EPHA3: variants seen among roughly 807,000 people sequenced by gnomAD.
The protein encoded by EPHA3 is EPH receptor A3.
EPHA3 carries 42 observed loss-of-function variants against 107.1 expected under a neutral mutation model. That is an observed-to-expected ratio of 0.39 (90% CI 0.31 to 0.51). EPHA3 has a LOEUF of 0.51. Among genes scored for constraint, EPHA3 ranks in the 20% least tolerant of loss-of-function variants. EPHA3 has a pLI of 0.78. For synonymous variants in EPHA3, 461 were observed against 424.8 expected, an observed-to-expected ratio of 1.09 and a Z score of -1.05; for missense variants, 1,183 against 1,211.2, an observed-to-expected ratio of 0.98 and a Z score of 0.35.
chr3:89,112,814 C>T (rs1707145342), intron 1 of EPHA3, among the ~76,000 whole-genome samples: 1 of 151,668 alleles, frequency 6.6e-6, no homozygotes, highest in African/African-American at 2.4e-5. Context: ...TTCAATGATT[C>T]GGTTTGGCAT....
intron 5 of EPHA3, among the ~76,000 whole-genome samples, chr3:89,345,340 C>A (rs1707619181): frequency 1.3e-5 from 2 of 151,166 alleles, no homozygotes; most frequent in Admixed American, 6.6e-5. Context: ...TTGACATTTC[C>A]TCCCTTTACC....
chr3:89,352,014 A>T (rs1707835479), intron 5 of EPHA3, among the ~76,000 whole-genome samples: 1 of 151,080 alleles, frequency 6.6e-6, no homozygotes, highest in Admixed American at 6.6e-5. Context: ...GGAATTTCAG[A>T]GTTGCCATTC....
At chr3:89,256,083 C>G (rs1262388115) in intron 3 of EPHA3, among the ~76,000 whole-genome samples, 1 of 151,738 alleles carries the variant, frequency 6.6e-6, no homozygotes. Context: ...AACCACTTCT[C>G]TATTTAAAAA....
At chr3:89,190,678 T>A (rs115372980) in intron 2 of EPHA3, among the ~76,000 whole-genome samples, 2,075 of 152,274 alleles carry the variant, frequency 0.014, 55 homozygotes, top group African/African-American at 0.048. Context: ...CAAAATAATA[T>A]ATTCTGTGAA....
intron 2 of EPHA3, among the ~76,000 whole-genome samples, chr3:89,163,267 C>T (rs141884471): frequency 6.6e-6 from 1 of 152,128 alleles, no homozygotes; most frequent in African/African-American, 2.4e-5. Context: ...GCGCCTAGTA[C>T]ATAGTGAGCA....
In EPHA3 at chr3:89,295,384, C is replaced by A. The variant is rs78238232; in HGVS notation, c.815-45532C>A. On this transcript the variant is annotated intron_variant, in intron 3 of 16. Transcript: ENST00000336596. ...CAGGATGGTGGTTGCTGAAGGGTGG[C>A]ACCCTTCAGCTGTGGCAATTTCTCA... Among the ~76,000 whole-genome samples, 3 of 39,360 alleles carry A rather than the reference C, an allele frequency of 7.6e-5. No individual in the cohort carries two copies. The African/African-American group carries it at 7.6e-4, about 10-fold the overall frequency. 25.8% of individuals were successfully genotyped at this position (39,360 alleles called of 152,430 possible).
intron 2 of EPHA3, among the ~76,000 whole-genome samples, chr3:89,170,108 G>A (rs1388015505): frequency 6.6e-6 from 1 of 151,990 alleles, no homozygotes; most frequent in Non-Finnish European, 1.5e-5. Flanking sequence ...AAAATTAGCC[G>A]GGCGTGGTGG....
At chr3:89,355,344 T>C (rs1707922534) in intron 5 of EPHA3, among the ~76,000 whole-genome samples, 1 of 151,366 alleles carries the variant, frequency 6.6e-6, no homozygotes, top group Middle Eastern at 3.4e-3. Flanking sequence ...TTTCCAATTA[T>C]ATATTCTAGG....
intron 5 of EPHA3, among the ~76,000 whole-genome samples, chr3:89,347,453 C>T (rs1426946533): frequency 2.7e-5 from 4 of 149,540 alleles, no homozygotes; most frequent in Non-Finnish European, 4.5e-5. Context: ...GTGATTTTTG[C>T]ACATTGATTT....
chr3:89,360,243 T>C (rs1233115791), intron 5 of EPHA3, among the ~76,000 whole-genome samples: 1 of 150,876 alleles, frequency 6.6e-6, no homozygotes, highest in African/African-American at 2.4e-5. Context: ...CTCTGAAATG[T>C]GAAAACAGTT....
chr3:89,458,033 C>T (rs139914010), intron 15 of EPHA3, among the ~76,000 whole-genome samples: 2 of 152,014 alleles, frequency 1.3e-5, no homozygotes, highest in Admixed American at 6.6e-5. Context: ...AACAGGTCTG[C>T]CATGCAGATA....
At chr3:89,340,768 G>A (rs755593792) in intron 3 of EPHA3, 148 bp from the exon 4 acceptor site, 29 of 695,400 alleles carry the variant, frequency 4.2e-5, no homozygotes, top group Non-Finnish European at 6.0e-5. Context: ...AACTACAGTA[G>A]GCTCTGTCAT....
intron 2 of EPHA3, among the ~76,000 whole-genome samples, chr3:89,173,657 C>T (rs1314253239): frequency 1.3e-5 from 2 of 151,908 alleles, no homozygotes; most frequent in East Asian, 3.9e-4. Context: ...GTATTCAAAA[C>T]CTGATGATGA....
chr3:89,172,719 A>G (rs750183721), intron 2 of EPHA3, among the ~76,000 whole-genome samples: 2 of 152,190 alleles, frequency 1.3e-5, no homozygotes, highest in Non-Finnish European at 2.9e-5. Flanking sequence ...AAAATGTGTG[A>G]TCATTAATAC....
At chr3:89,359,798 TAC>T (rs1420708826) in intron 5 of EPHA3, among the ~76,000 whole-genome samples, 2 of 144,974 alleles carry the variant, frequency 1.4e-5, no homozygotes, top group East Asian at 3.9e-4. Context: ...TATACATATA[TAC>T]ACATATATAT....
At chr3:89,447,943 G>C (rs1709909047) in intron 13 of EPHA3, among the ~76,000 whole-genome samples, 1 of 152,118 alleles carries the variant, frequency 6.6e-6, no homozygotes, top group African/African-American at 2.4e-5. Context: ...ATAGAAATCG[G>C]TCACATTTTG....
intron 15 of EPHA3, among the ~76,000 whole-genome samples, chr3:89,459,370 A>G (rs1470612608): frequency 6.6e-6 from 1 of 152,112 alleles, no homozygotes; most frequent in Non-Finnish European, 1.5e-5. Context: ...CTCTTTTTTT[A>G]TAAGAATCAA....
At chr3:89,243,917 C>A (rs1576260099) in intron 3 of EPHA3, among the ~76,000 whole-genome samples, 1 of 152,116 alleles carries the variant, frequency 6.6e-6, no homozygotes, top group Admixed American at 6.6e-5. Context: ...CCATCCTATA[C>A]ACTTTATTTA....
At chr3:89,295,984 C>A (rs1706345484) in intron 3 of EPHA3, among the ~76,000 whole-genome samples, 1 of 152,178 alleles carries the variant, frequency 6.6e-6, no homozygotes, top group Non-Finnish European at 1.5e-5. Context: ...TAAGAAGCAA[C>A]TCCTCATCCA....
Sources: allele counts gnomAD v4.1 joint callset (sites outside exome capture counted in the v4.1 genomes callset), GRCh38; gene constraint gnomAD v4.1.1; transcripts MANE v1.5; gene names NCBI Gene and HGNC (gene_info 2026-07-23, HGNC 2026-07-21).